Variants in PLCB1 observed in about 807,000 individuals in gnomAD.
PLCB1 encodes 1-phosphatidylinositol 4,5-bisphosphate phosphodiesterase beta-1.
A neutral mutation model predicts 161.8 loss-of-function variants in PLCB1; 46 were observed. The observed-to-expected ratio is 0.28, with a 90% confidence interval of 0.22 to 0.36. The LOEUF (loss-of-function observed/expected upper bound fraction) is 0.36. Among genes scored for constraint, PLCB1 ranks in the 10% least tolerant of loss-of-function variants. PLCB1 has a pLI of 1.00. For missense variants in PLCB1, 1,016 were observed against 1,472.5 expected, an observed-to-expected ratio of 0.69 and a Z score of 5.07; for synonymous variants, 517 against 503.7, an observed-to-expected ratio of 1.03 and a Z score of -0.35.
intron 31 of PLCB1, among the ~76,000 whole-genome samples, chr20:8,793,671 G>T (rs1207356614): frequency 6.6e-6 from 1 of 152,276 alleles, no homozygotes; most frequent in South Asian, 2.1e-4. Flanking sequence ...GCAAGTGGAG[G>T]CAGGGCGAGA....
intron 12 of PLCB1, among the ~76,000 whole-genome samples, chr20:8,711,383 T>C (rs768478509): frequency 3.3e-5 from 5 of 152,222 alleles, no homozygotes; most frequent in Non-Finnish European, 5.9e-5. Flanking sequence ...AAACTGGACA[T>C]GAAAACTAAT....
intron 9 of PLCB1, among the ~76,000 whole-genome samples, chr20:8,670,302 C>T (rs1989911160): frequency 6.6e-6 from 1 of 152,162 alleles, no homozygotes; most frequent in South Asian, 2.1e-4. Flanking sequence ...TAAATAAACT[C>T]ACAGATGTGA....
In PLCB1 at chr20:8,738,470, G is replaced by A. The variant is rs182096090; in HGVS notation, c.2209-791G>A. ...AGCATTTTTTCTTAGTGGGTGCAGC[G>A]TACCAGCATGGCACATGTATGCATA... On this transcript the variant is annotated intron_variant, in intron 20 of 31. Coordinates refer to ENST00000338037, the MANE Select transcript of PLCB1 (RefSeq NM_015192.4). 2.2e-3 allele frequency among the ~76,000 whole-genome samples: 341 copies of A among 151,952 alleles called. 2 individuals carry two copies. The highest frequency in any genetic ancestry group is 0.02 in the Admixed American group (301 of 15,268).
intron 2 of PLCB1, among the ~76,000 whole-genome samples, chr20:8,179,924 T>A (rs1275979441): frequency 1.5e-5 from 2 of 130,998 alleles, no homozygotes; most frequent in Non-Finnish European, 3.1e-5. Context: ...AGTGGCGGGA[T>A]CTCGGCTCAC....
intron 3 of PLCB1, among the ~76,000 whole-genome samples, chr20:8,614,885 T>G (rs973973080): frequency 6.6e-6 from 1 of 152,252 alleles, no homozygotes. Context: ...TAATGGTTGC[T>G]TCTGGCTAGT....
intron 3 of PLCB1, among the ~76,000 whole-genome samples, chr20:8,543,584 G>A (rs1302978103): frequency 2.0e-5 from 3 of 146,472 alleles, no homozygotes; most frequent in Non-Finnish European, 4.5e-5. Flanking sequence ...TAGAATGAAT[G>A]CATTTCGTTA....
At position 8,321,418 on chromosome 20, in the gene PLCB1, A is replaced by G. The variant is rs1051834104; in HGVS notation, c.178-49964A>G. On this transcript the variant is annotated intron_variant, in intron 2 of 31. Transcript: ENST00000338037. ...CCTCAGTTTCCTCATATAAACTTCC[A>G]TGATCTGCTGCCTAAGAATTTGGTA... 3.3e-5 allele frequency among the ~76,000 whole-genome samples: 5 copies of G among 152,274 alleles called. No homozygotes were observed. The South Asian group carries it at 8.3e-4, about 25-fold the overall frequency.
chr20:8,842,017 TCTTTGCCTATAGGTTTGG>T (rs749109750), intron 31 of PLCB1, among the ~76,000 whole-genome samples: 493 of 152,318 alleles, frequency 3.2e-3, no homozygotes, highest in Middle Eastern at 0.01. Context: ...GTGTTAATAA[TCTTTGCCTATAGGTTTGG>T]AAGTACCTTG....
intron 3 of PLCB1, among the ~76,000 whole-genome samples, chr20:8,540,477 T>C (rs1201100428): frequency 6.6e-6 from 1 of 152,106 alleles, no homozygotes; most frequent in African/African-American, 2.4e-5. Context: ...AAATACCTTG[T>C]CAGCCAGCAA....
chr20:8,201,564 A>T (rs780282331), intron 2 of PLCB1, among the ~76,000 whole-genome samples: 1 of 152,184 alleles, frequency 6.6e-6, no homozygotes, highest in East Asian at 1.9e-4. Flanking sequence ...TTGGTACTTA[A>T]TGCAAAAGTA....
In PLCB1 at chr20:8,196,664, A is replaced by ATATAT. The variant is rs397786544; in HGVS notation, c.177+46293_177+46294insTATAT. 7.5e-3 allele frequency among the ~76,000 whole-genome samples: 1,129 copies of ATATAT among 149,600 alleles called. 17 individuals are homozygous for ATATAT. The highest frequency in any genetic ancestry group is 0.026 in the African/African-American group (1,062 of 40,908). On this transcript the variant is annotated intron_variant, in intron 2 of 31. Coordinates refer to ENST00000338037, the MANE Select transcript of PLCB1 (RefSeq NM_015192.4). Reference sequence around the variant, plus strand: ...GCTCCTTTTCTTTATATATATATATAAAATATATATATTTTTAATTATACT... The same window carrying ATATAT: ...GCTCCTTTTCTTTATATATATATATATATATAAATATATATATTTTTAATTATACT...
intron 1 of PLCB1, among the ~76,000 whole-genome samples, chr20:8,144,169 A>T (rs1023272146): frequency 1.3e-5 from 2 of 152,204 alleles, no homozygotes; most frequent in Admixed American, 6.5e-5. Flanking sequence ...GATGTTTAAC[A>T]TCATTAGTCA....
rs779663688 is a variant in PLCB1 at position 8,647,930 on chromosome 20, A to C, written c.495A>C (p.Pro165=). Residue 165 remains proline (P), a synonymous_variant, in exon 6 of 32, where the codon CCA becomes CCC. Transcript: ENST00000338037. ...AYTKLKLQVT[P]EGRIPLKNIY... ...CTAAACTTAAGCTGCAAGTCACTCC[A>C]GAAGGGCGTATTCCTCTCAAAAAGT... 6.3e-7 allele frequency: 1 copy of C among 1,591,634 alleles called. No individual in the cohort carries two copies. The highest frequency in any genetic ancestry group is 1.2e-5 in the South Asian group (1 of 86,758).
chr20:8,739,435 A>G (rs1980755654), intron 21 of PLCB1, 75 bp downstream of exon 21: 12 of 900,140 alleles, frequency 1.3e-5, no homozygotes, highest in Non-Finnish European at 2.2e-5. Flanking sequence ...ATTACTAGAA[A>G]ATGACTTAAG....
intron 3 of PLCB1, among the ~76,000 whole-genome samples, chr20:8,399,148 T>G (rs1448211899): frequency 6.6e-6 from 1 of 151,916 alleles, no homozygotes; most frequent in Admixed American, 6.6e-5. Flanking sequence ...TGGAGGTTTT[T>G]TTTGTTTGTT....
chr20:8,338,255 C>T (rs1024324644), intron 2 of PLCB1, among the ~76,000 whole-genome samples: 2 of 152,172 alleles, frequency 1.3e-5, no homozygotes, highest in Middle Eastern at 3.4e-3. Flanking sequence ...GTTAATTATT[C>T]ACGGAGTTTT....
chr20:8,195,167 G>A (rs960387808), intron 2 of PLCB1, among the ~76,000 whole-genome samples: 1 of 151,938 alleles, frequency 6.6e-6, no homozygotes. Context: ...TTTCCTGTGT[G>A]CTATTAGTAG....
chr20:8,226,161 C>T (rs1252418147), intron 2 of PLCB1, among the ~76,000 whole-genome samples: 1 of 152,124 alleles, frequency 6.6e-6, no homozygotes, highest in African/African-American at 2.4e-5. Context: ...TTCTCACACC[C>T]CTGTTGATGA....
intron 3 of PLCB1, among the ~76,000 whole-genome samples, chr20:8,465,317 C>A (rs948854994): frequency 2.0e-5 from 3 of 152,122 alleles, no homozygotes; most frequent in African/African-American, 7.2e-5. Flanking sequence ...TAGTATGATG[C>A]AAGCCATAAA....
Sources: gnomAD v4.1 joint callset for allele counts (sites outside exome capture counted in the v4.1 genomes callset) on GRCh38, gnomAD v4.1.1 for gene constraint, MANE v1.5 for transcripts, NCBI Gene and HGNC (gene_info 2026-07-23, HGNC 2026-07-21) for gene names.